The following FRMPD4 variants were observed in gnomAD, a reference collection of about 807,000 sequenced individuals.
The protein encoded by FRMPD4 is FERM and PDZ domain-containing protein 4.
FRMPD4 carries 22 observed loss-of-function variants against 94.1 expected under a neutral mutation model. The ratio of observed to expected loss-of-function variants is 0.23; its 90% CI spans 0.17 to 0.33. FRMPD4 has a LOEUF of 0.33. Ranked by LOEUF, FRMPD4 falls within the 10% of genes least tolerant of loss-of-function variation. The pLI, the probability that FRMPD4 is intolerant of heterozygous loss-of-function variation, is 1.00. For synonymous variants in FRMPD4, 631 were observed against 548.6 expected (o/e 1.15, Z -2.10); for missense variants, 1,111 against 1,339.9 (o/e 0.83, Z 2.67).
intron 3 of FRMPD4, among the ~76,000 whole-genome samples, chrX:11,985,491 A>C (rs2054424347): frequency 8.9e-6 from 1 of 112,053 alleles, no homozygotes; most frequent in South Asian, 3.8e-4. Flanking sequence ...GGTGGCTATG[A>C]TGAAAGACTC....
intron 7 of FRMPD4, among the ~76,000 whole-genome samples, chrX:12,688,146 G>A (rs757481260): frequency 4.7e-4 from 53 of 111,817 alleles, no homozygotes; most frequent in East Asian, 3.4e-3. Flanking sequence ...GATATAACCC[G>A]CAGGTCATAG....
At chrX:12,417,826 G>A (rs562851797) in intron 1 of FRMPD4, among the ~76,000 whole-genome samples, 6 of 107,312 alleles carry the variant, frequency 5.6e-5, no homozygotes, top group South Asian at 8.4e-4. Context: ...TGGCTAACAC[G>A]GTGAAACCCC....
At chrX:12,410,961 T>C (rs2056725633) in intron 1 of FRMPD4, among the ~76,000 whole-genome samples, 1 of 112,099 alleles carries the variant, frequency 8.9e-6, no homozygotes, top group Non-Finnish European at 1.9e-5. Context: ...AAAATAGAAT[T>C]GTTAAGGTAT....
At chrX:11,897,647 A>G (rs2053911613) in intron 3 of FRMPD4, among the ~76,000 whole-genome samples, 1 of 112,399 alleles carries the variant, frequency 8.9e-6, no homozygotes, top group African/African-American at 3.2e-5. Flanking sequence ...TATTGTTACC[A>G]AAGACTGCTT....
At chrX:12,388,850 T>TATATATATACACACAC (rs1491368741) in intron 1 of FRMPD4, among the ~76,000 whole-genome samples, 1 of 73,479 alleles carries the variant, frequency 1.4e-5, no homozygotes, top group African/African-American at 6.4e-5. Context: ...TATATATATA[T>TATATATATACACACAC]ACACACAATG....
At chrX:12,214,591 C>G (rs1053680581) in intron 1 of FRMPD4, among the ~76,000 whole-genome samples, 17 of 112,448 alleles carry the variant, frequency 1.5e-4, no homozygotes, top group Non-Finnish European at 2.8e-4. Context: ...CTCTATAACA[C>G]AAATGACAGA....
chrX:11,941,231 G>A (rs1263784539), intron 3 of FRMPD4, among the ~76,000 whole-genome samples: 1 of 50,500 alleles, frequency 2.0e-5, no homozygotes, highest in African/African-American at 5.2e-5. Flanking sequence ...AGATGGAAAT[G>A]CAGAAATCAC....
intron 1 of FRMPD4, among the ~76,000 whole-genome samples, chrX:12,166,173 TA>T (rs1483855963): frequency 6.2e-5 from 7 of 112,061 alleles, no homozygotes; most frequent in African/African-American, 2.3e-4. Flanking sequence ...TTCAGTATGA[TA>T]TTGGCTGTGG....
At chrX:12,398,642 G>A (rs186377491) in intron 1 of FRMPD4, among the ~76,000 whole-genome samples, 1 of 111,486 alleles carries the variant, frequency 9.0e-6, no homozygotes, top group African/African-American at 3.3e-5. Flanking sequence ...GTCCTAAAAC[G>A]CCAGTTTCTC....
chrX:12,057,336 T>C (rs2054859871), intron 3 of FRMPD4, among the ~76,000 whole-genome samples: 1 of 111,889 alleles, frequency 8.9e-6, no homozygotes, highest in Non-Finnish European at 1.9e-5. Context: ...TGGATTTGTG[T>C]CTGCTGTTCT....
intron 1 of FRMPD4, among the ~76,000 whole-genome samples, chrX:12,445,666 A>G (rs761131303): frequency 1.8e-5 from 2 of 112,828 alleles, no homozygotes; most frequent in South Asian, 7.3e-4. Context: ...GTCAACAGCT[A>G]ATAAGAGGCA....
rs1452553705 is a variant in FRMPD4, at chrX:12,070,890, C to T, written c.95+192872C>T. On this transcript the variant is annotated intron_variant, in intron 3 of 18. Transcript: ENST00000640291. ...GCTTCCTGGACATTTGCATTGCAAA[C>T]CACTGGTTTCATCACAGCGATTTGG... Among the ~76,000 whole-genome samples, 5 of 112,266 alleles carry T rather than the reference C, an allele frequency of 4.5e-5. 1 individual carries two copies. In the Admixed American group the frequency reaches 4.7e-4, roughly 11 times the overall value.
At chrX:12,491,865 T>C (rs750067935) in intron 1 of FRMPD4, among the ~76,000 whole-genome samples, 34 of 111,733 alleles carry the variant, frequency 3.0e-4, no homozygotes, top group African/African-American at 9.7e-4. Flanking sequence ...GGAAGTATAA[T>C]AACAGCTACA....
At chrX:11,852,631 T>C (rs190671129) in intron 1 of FRMPD4, among the ~76,000 whole-genome samples, 1 of 110,595 alleles carries the variant, frequency 9.0e-6, no homozygotes, top group African/African-American at 3.3e-5. Flanking sequence ...AAACAGACTT[T>C]AAACCAACAA....
chrX:12,002,004 TG>T (rs752521206), intron 3 of FRMPD4, among the ~76,000 whole-genome samples: 104 of 111,701 alleles, frequency 9.3e-4, no homozygotes, highest in Non-Finnish European at 1.6e-3. Flanking sequence ...TTACTCTTCC[TG>T]GGGGCCAGAA....
chrX:12,374,007 C>T (rs1325467883), intron 1 of FRMPD4, among the ~76,000 whole-genome samples: 5 of 112,022 alleles, frequency 4.5e-5, no homozygotes, highest in Non-Finnish European at 9.4e-5. Flanking sequence ...TCCATCCTAA[C>T]TCTGACTTAG....
At chrX:12,654,280 G>A (rs1021735154) in intron 4 of FRMPD4, among the ~76,000 whole-genome samples, 4 of 111,135 alleles carry the variant, frequency 3.6e-5, no homozygotes, top group African/African-American at 9.8e-5. Context: ...CAACCTCTTC[G>A]GCCTAATTTT....
intron 1 of FRMPD4, among the ~76,000 whole-genome samples, chrX:12,367,199 A>C (rs2056095514): frequency 8.9e-6 from 1 of 111,831 alleles, no homozygotes; most frequent in Admixed American, 9.5e-5. Context: ...GTTCTCAAAC[A>C]TGAAGGCTCG....
intron 4 of FRMPD4, among the ~76,000 whole-genome samples, chrX:12,657,274 A>G (rs141962802): frequency 0.013 from 1,500 of 111,479 alleles, 27 homozygotes; most frequent in African/African-American, 0.046. Flanking sequence ...CTGAAAAGGA[A>G]TCTGCTTCCA....
Sources: allele counts gnomAD v4.1 joint callset (sites outside exome capture counted in the v4.1 genomes callset), GRCh38; gene constraint gnomAD v4.1.1; transcripts MANE v1.5; gene names NCBI Gene and HGNC (gene_info 2026-07-23, HGNC 2026-07-21).